SPOCK3: variants seen among roughly 807,000 people sequenced by gnomAD.
The protein encoded by SPOCK3 is SPARC (osteonectin), cwcv and kazal like domains proteoglycan 3.
Under a neutral mutation model 56.6 loss-of-function variants are expected in SPOCK3, and 30 were observed. The observed-to-expected ratio is 0.53, with a 90% CI of 0.40 to 0.72. The LOEUF (loss-of-function observed/expected upper bound fraction) is 0.72, where lower values mean the gene tolerates loss of function less well. SPOCK3 is among the 30% of genes least tolerant of loss of function. SPOCK3 has a pLI of 0.00. For missense variants in SPOCK3, 527 were observed against 530.0 expected (o/e 0.99, Z 0.06); for synonymous variants, 196 against 183.3 (o/e 1.07, Z -0.56).
At chr4:167,204,890 A>C (rs926215922) in intron 2 of SPOCK3, among the ~76,000 whole-genome samples, 1 of 150,744 alleles carries the variant, frequency 6.6e-6, no homozygotes, top group Non-Finnish European at 1.5e-5. Context: ...TAGTGTTACT[A>C]CCACAGTTCA....
At chr4:166,867,963 A>G (rs1732023272) in intron 6 of SPOCK3, among the ~76,000 whole-genome samples, 2 of 151,940 alleles carry the variant, frequency 1.3e-5, no homozygotes, top group Non-Finnish European at 2.9e-5. Flanking sequence ...TACATCTACC[A>G]TTTGATTTGT....
intron 2 of SPOCK3, among the ~76,000 whole-genome samples, chr4:167,202,940 T>A (rs1733663364): frequency 6.6e-6 from 1 of 151,904 alleles, no homozygotes; most frequent in African/African-American, 2.4e-5. Context: ...TTTTTATGTT[T>A]CTTTTATTTG....
intron 2 of SPOCK3, among the ~76,000 whole-genome samples, chr4:167,171,889 A>T (rs1658273325): frequency 6.6e-6 from 1 of 152,062 alleles, no homozygotes; most frequent in African/African-American, 2.4e-5. Context: ...GAAAAGAAAA[A>T]GAAGAAGATT....
At chr4:167,056,584 T>A (rs1048381997) in intron 3 of SPOCK3, among the ~76,000 whole-genome samples, 48 of 152,134 alleles carry the variant, frequency 3.2e-4, no homozygotes, top group African/African-American at 1.1e-3. Context: ...TACAGAGAAG[T>A]ACTTAAAGGA....
At chr4:166,985,148 A>G (rs1747008320) in intron 4 of SPOCK3, among the ~76,000 whole-genome samples, 1 of 152,164 alleles carries the variant, frequency 6.6e-6, no homozygotes, top group Admixed American at 6.5e-5. Flanking sequence ...TGGGAAAGAA[A>G]TTGACTTAAA....
At chr4:167,194,015 G>A (rs1452189497) in intron 2 of SPOCK3, among the ~76,000 whole-genome samples, 1 of 151,968 alleles carries the variant, frequency 6.6e-6, no homozygotes, top group Non-Finnish European at 1.5e-5. Context: ...TTGCTTTTTG[G>A]TATCCGATAG....
chr4:167,077,287 CATCAA>C (rs959173837), intron 2 of SPOCK3, among the ~76,000 whole-genome samples: 49 of 151,828 alleles, frequency 3.2e-4, no homozygotes, highest in African/African-American at 1.2e-3. Flanking sequence ...CACACACACA[CATCAA>C]AATTCTTTAG....
intron 2 of SPOCK3, among the ~76,000 whole-genome samples, chr4:167,131,661 A>G (rs910342655): frequency 2.4e-4 from 36 of 152,150 alleles, no homozygotes; most frequent in African/African-American, 8.4e-4. Context: ...TACAGATAAC[A>G]GTCCTAATCC....
chr4:167,037,635 G>C (rs1752880839), intron 3 of SPOCK3, among the ~76,000 whole-genome samples: 1 of 152,158 alleles, frequency 6.6e-6, no homozygotes, highest in African/African-American at 2.4e-5. Flanking sequence ...CACTGTGAAA[G>C]TCTGAGAGCC....
At chr4:166,807,732 T>G (rs552029917) in intron 6 of SPOCK3, among the ~76,000 whole-genome samples, 1 of 152,262 alleles carries the variant, frequency 6.6e-6, no homozygotes, top group East Asian at 1.9e-4. Context: ...GTTTCAACTC[T>G]TCTATTTATC....
At chr4:167,217,306 C>T (rs144731203) in intron 2 of SPOCK3, among the ~76,000 whole-genome samples, 130 of 151,608 alleles carry the variant, frequency 8.6e-4, no homozygotes, top group African/African-American at 3.0e-3. Flanking sequence ...CTGAAAATAC[C>T]GAGGAAAAAA....
At chr4:167,226,872 G>A (rs1009330207) in intron 2 of SPOCK3, among the ~76,000 whole-genome samples, 9 of 151,990 alleles carry the variant, frequency 5.9e-5, no homozygotes, top group South Asian at 2.1e-4. Flanking sequence ...GAATTCTATC[G>A]TTACTCGGGT....
At chr4:167,037,671 T>C (rs1752883621) in intron 3 of SPOCK3, among the ~76,000 whole-genome samples, 1 of 152,130 alleles carries the variant, frequency 6.6e-6, no homozygotes. Context: ...CTCTTCTGCA[T>C]TGCTGGGGCC....
At chr4:167,035,388 G>A (rs1752649794) in intron 3 of SPOCK3, among the ~76,000 whole-genome samples, 1 of 151,792 alleles carries the variant, frequency 6.6e-6, no homozygotes. Context: ...GTTAGGATAA[G>A]CAGATAATGT....
chr4:166,976,842 A>G (rs1018601308), intron 4 of SPOCK3, among the ~76,000 whole-genome samples: 2 of 151,906 alleles, frequency 1.3e-5, no homozygotes, highest in Non-Finnish European at 2.9e-5. Context: ...TGTTTTACTC[A>G]CTTTATACTT....
At chr4:167,222,985 ATATTT>A (rs1349318649) in intron 2 of SPOCK3, among the ~76,000 whole-genome samples, 2 of 126,458 alleles carry the variant, frequency 1.6e-5, no homozygotes, top group African/African-American at 6.3e-5. Flanking sequence ...AATATATATT[ATATTT>A]TATATATGAA....
intron 3 of SPOCK3, among the ~76,000 whole-genome samples, chr4:167,025,235 C>G (rs1481444489): frequency 1.6e-4 from 23 of 141,326 alleles, no homozygotes; most frequent in African/African-American, 5.6e-4. Flanking sequence ...TTTTTTTTTC[C>G]TTAGAAAAAA....
At chr4:166,924,155 C>A (rs1738805762) in intron 4 of SPOCK3, among the ~76,000 whole-genome samples, 1 of 152,128 alleles carries the variant, frequency 6.6e-6, no homozygotes, top group Non-Finnish European at 1.5e-5. Context: ...CCTCTGAATT[C>A]AAACAAGTGT....
chr4:166,798,989 T>C (rs1742259476), intron 6 of SPOCK3, among the ~76,000 whole-genome samples: 1 of 152,208 alleles, frequency 6.6e-6, no homozygotes, highest in Non-Finnish European at 1.5e-5. Context: ...GAAAGAACTT[T>C]CATCCCTAAG....
Sources: allele counts gnomAD v4.1 joint callset (sites outside exome capture counted in the v4.1 genomes callset), GRCh38; gene constraint gnomAD v4.1.1; transcripts MANE v1.5; gene names NCBI Gene and HGNC (gene_info 2026-07-23, HGNC 2026-07-21).